The following ARHGAP11B variants were observed in gnomAD, a reference collection of about 807,000 sequenced individuals.
ARHGAP11B encodes the protein inactive Rho GTPase-activating protein 11B.
ARHGAP11B carries 14 observed loss-of-function variants against 27.6 expected under a neutral mutation model. That is an observed-to-expected ratio of 0.51 (90% CI 0.34 to 0.79). The LOEUF is 0.79. Ranked by LOEUF, ARHGAP11B falls within the 30% of genes least tolerant of loss-of-function variation. The probability of loss-of-function intolerance (pLI) is 0.02; values close to 1 mark genes in which losing one functional copy is unlikely to be tolerated. For synonymous variants in ARHGAP11B, 82 were observed against 114.1 expected, an observed-to-expected ratio of 0.72 and a Z score of 1.80; for missense variants, 245 against 320.1, an observed-to-expected ratio of 0.77 and a Z score of 1.79.
At chr15:30,626,604 C>T in exon 1 of ARHGAP11B, 1 of 619,978 alleles carries the variant, frequency 1.6e-6, no homozygotes, top group Non-Finnish European at 2.7e-6. Flanking sequence ...GTGGCTGGAT[C>T]AAAGGGCTAA....
chr15:30,629,510 G>A (rs1183789860), intron 1 of ARHGAP11B, among the ~76,000 whole-genome samples: 1 of 152,032 alleles, frequency 6.6e-6, no homozygotes, highest in Admixed American at 6.6e-5. Context: ...CCGAGATTGT[G>A]CCACTGCACT....
At chr15:30,644,494 AG>A in intron 7 of ARHGAP11B, 1 of 503,078 alleles carries the variant, frequency 2.0e-6, no homozygotes. Context: ...TAATCTGAAA[AG>A]GCATCGTTCT....
chr15:30,635,633 G>A, exon 6 of ARHGAP11B: 1 of 1,613,272 alleles, frequency 6.2e-7, no homozygotes, highest in Admixed American at 1.7e-5. Flanking sequence ...ACGTGTAGGA[G>A]GTAAGTGGTG....
exon 7 of ARHGAP11B, chr15:30,638,763 C>G: frequency 6.7e-7 from 1 of 1,491,274 alleles, no homozygotes; most frequent in Non-Finnish European, 9.0e-7. Flanking sequence ...TAGTGGAGCA[C>G]TAAATAAATT....
At chr15:30,636,656 G>A (rs2060281604) in intron 6 of ARHGAP11B, among the ~76,000 whole-genome samples, 1 of 152,164 alleles carries the variant, frequency 6.6e-6, no homozygotes, top group Non-Finnish European at 1.5e-5. Flanking sequence ...TAAACCAACA[G>A]AAATTTGTCT....
At chr15:30,643,567 G>A (rs2060327737) in intron 7 of ARHGAP11B, among the ~76,000 whole-genome samples, 2 of 152,014 alleles carry the variant, frequency 1.3e-5, no homozygotes, top group South Asian at 4.2e-4. Flanking sequence ...GTGAGCCACG[G>A]CACCTGGCCT....
chr15:30,633,463 AG>A (rs775030483), intron 2 of ARHGAP11B, 26 bp from the exon 3 acceptor site: 1 of 1,591,388 alleles, frequency 6.3e-7, no homozygotes, highest in African/African-American at 1.3e-5. Flanking sequence ...ATGTATGTCT[AG>A]CCACCTGAAA....
exon 3 of ARHGAP11B, chr15:30,633,530 C>T (rs201474368): frequency 2.0e-5 from 32 of 1,613,326 alleles, no homozygotes; most frequent in Non-Finnish European, 2.2e-5. Context: ...AGAACATATT[C>T]ATACCGAAGG....
chr15:30,645,909 TA>T lies in ARHGAP11B; in HGVS notation c.*143-200del, dbSNP rs747680696. On this transcript the variant is annotated intron_variant, in intron 8 of 10. Transcript: ENST00000428041. The stretch of plus-strand genomic sequence containing the variant: ...AAGCATAGTTTTCCATTGAAGTGGT[TA>T]AAAAGTTTCCATGTGTAGATAAAGA... Among the ~76,000 whole-genome samples the T allele has an allele frequency of 1.2e-3, 186 of 152,202 alleles. 2 individuals are homozygous for T. The highest frequency in any genetic ancestry group is 2.0e-3 in the Non-Finnish European group (135 of 67,990).
At chr15:30,637,494 G>A (rs978487782) in intron 6 of ARHGAP11B, among the ~76,000 whole-genome samples, 5 of 152,054 alleles carry the variant, frequency 3.3e-5, no homozygotes, top group Non-Finnish European at 7.4e-5. Flanking sequence ...CAGCACTCTG[G>A]GAGACCAAGG....
At chr15:30,642,907 G>A (rs886275845) in intron 7 of ARHGAP11B, among the ~76,000 whole-genome samples, 6 of 151,962 alleles carry the variant, frequency 3.9e-5, no homozygotes, top group African/African-American at 1.4e-4. Flanking sequence ...AAGTGATTTC[G>A]GTTGTTGCTT....
intron 1 of ARHGAP11B, among the ~76,000 whole-genome samples, chr15:30,628,939 C>G (rs1283904898): frequency 6.6e-6 from 1 of 151,960 alleles, no homozygotes; most frequent in African/African-American, 2.4e-5. Flanking sequence ...ACTTACCAGC[C>G]TAAGTATCTG....
chr15:30,628,457 C>T (rs1204240142), intron 1 of ARHGAP11B, among the ~76,000 whole-genome samples: 1 of 152,014 alleles, frequency 6.6e-6, no homozygotes, highest in Non-Finnish European at 1.5e-5. Context: ...TGTTCCACCC[C>T]TACTACATCT....
At chr15:30,633,229 A>T (rs1595672815) in intron 2 of ARHGAP11B, among the ~76,000 whole-genome samples, 1 of 151,740 alleles carries the variant, frequency 6.6e-6, no homozygotes, top group East Asian at 1.9e-4. Context: ...TACGCTCTGA[A>T]GGGAAGCAGA....
intron 2 of ARHGAP11B, among the ~76,000 whole-genome samples, chr15:30,633,224 T>A (rs540211047): frequency 6.6e-6 from 1 of 151,418 alleles, no homozygotes; most frequent in Non-Finnish European, 1.5e-5. Context: ...AGTCTTACGC[T>A]CTGAAGGGAA....
chr15:30,628,662 C>T (rs891531224), intron 1 of ARHGAP11B, among the ~76,000 whole-genome samples: 8 of 152,016 alleles, frequency 5.3e-5, no homozygotes, highest in African/African-American at 1.7e-4. Flanking sequence ...AATTGGTAAT[C>T]ACGCCATATA....
chr15:30,633,403 C>A (rs1251083465), intron 2 of ARHGAP11B, 87 bp from the exon 3 acceptor site: 11 of 1,222,604 alleles, frequency 9.0e-6, no homozygotes, highest in African/African-American at 3.1e-5. Flanking sequence ...TCTGAAAGGT[C>A]TGTAGTGCTT....
chr15:30,641,688 A>C (rs2060316489), intron 7 of ARHGAP11B: 1 of 152,016 alleles, frequency 6.6e-6, no homozygotes, highest in South Asian at 2.1e-4. Flanking sequence ...ATATATTCTG[A>C]CTGTGCCTTC....
chr15:30,645,948 A>T (rs1228485682), intron 8 of ARHGAP11B, among the ~76,000 whole-genome samples: 1 of 151,886 alleles, frequency 6.6e-6, no homozygotes. Context: ...TGGGAAATAT[A>T]GAAGGACAAA....
Sources: gnomAD v4.1 joint callset for allele counts (sites outside exome capture counted in the v4.1 genomes callset) on GRCh38, gnomAD v4.1.1 for gene constraint, MANE v1.5 for transcripts, NCBI Gene and HGNC (gene_info 2026-07-23, HGNC 2026-07-21) for gene names.